The following GLIS3 variants were observed in gnomAD, a reference collection of about 807,000 sequenced individuals.
GLIS3 encodes the protein GLIS family zinc finger 3.
GLIS3 carries 53 observed loss-of-function variants against 78.6 expected under a neutral mutation model. That is an observed-to-expected ratio of 0.67 (90% CI 0.54 to 0.85). The LOEUF is 0.85. GLIS3 is among the 40% of genes least tolerant of loss of function. GLIS3 has a pLI of 0.00. For synonymous variants in GLIS3, 684 were observed against 509.9 expected, an observed-to-expected ratio of 1.34 and a Z score of -4.60; for missense variants, 1,703 against 1,231.1, an observed-to-expected ratio of 1.38 and a Z score of -5.74.
intron 2 of GLIS3, among the ~76,000 whole-genome samples, chr9:4,246,844 T>C (rs1823851104): frequency 6.6e-6 from 1 of 152,216 alleles, no homozygotes; most frequent in Admixed American, 6.5e-5. Context: ...TCATTGGTTT[T>C]TATGAATATT....
At chr9:4,064,610 T>C (rs1403634628) in intron 4 of GLIS3, among the ~76,000 whole-genome samples, 1 of 152,080 alleles carries the variant, frequency 6.6e-6, no homozygotes, top group Non-Finnish European at 1.5e-5. Context: ...GCCAACATGG[T>C]GAAACCTTGT....
intron 4 of GLIS3, among the ~76,000 whole-genome samples, chr9:4,037,953 A>AG (rs1156377908): frequency 1.8e-4 from 23 of 130,372 alleles, no homozygotes; most frequent in Admixed American, 1.7e-3. Flanking sequence ...AATCCAGGAA[A>AG]GGAAAAAAAA....
intron 8 of GLIS3, 143 bp from the exon 9 acceptor site, chr9:3,856,327 T>G: frequency 1.3e-6 from 1 of 745,956 alleles, no homozygotes; most frequent in Admixed American, 2.1e-5. Context: ...TCTTTCAGGA[T>G]TTTTCTCTAC....
At chr9:4,302,237 A>G (rs111961343), upstream of GLIS3, among the ~76,000 whole-genome samples, 660 of 152,294 alleles carry the variant, frequency 4.3e-3, 3 homozygotes, top group African/African-American at 0.015. Context: ...CATCGTGCTT[A>G]GGAATCATAC....
intron 4 of GLIS3, among the ~76,000 whole-genome samples, chr9:4,066,443 G>T (rs1827104051): frequency 6.6e-6 from 1 of 152,142 alleles, no homozygotes; most frequent in Non-Finnish European, 1.5e-5. Context: ...TGAAACAAGA[G>T]TATAAAAGCA....
chr9:3,896,090 C>G (rs1822810880), intron 7 of GLIS3, among the ~76,000 whole-genome samples: 1 of 152,158 alleles, frequency 6.6e-6, no homozygotes, highest in South Asian at 2.1e-4. Context: ...TTACATTTAA[C>G]TAATTGATGA....
chr9:4,471,835 G>T, the GLIS3 span, among the ~76,000 whole-genome samples: 1 of 152,094 alleles, frequency 6.6e-6, no homozygotes, highest in African/African-American at 2.4e-5. Context: ...CAGAGTGGGA[G>T]AAAATTTTTG....
rs143053278 is a variant in GLIS3 at position 3,860,848 on chromosome 9, C to A, written c.2298-4664G>T. Among the ~76,000 whole-genome samples, 11 of 152,262 alleles carry A rather than the reference C, an allele frequency of 7.2e-5. No individual in the cohort carries two copies. The East Asian group carries it at 1.9e-3, about 27-fold the overall frequency. ...ACTAAATGTGTGGCATTGTTCTAAG[C>A]ACTAGGGATAGAGCAACAAAAGACA... is the stretch of plus-strand genomic sequence containing the variant. On this transcript the variant is annotated intron_variant, in intron 8 of 10. Coordinates refer to ENST00000381971, the MANE Select transcript of GLIS3 (RefSeq NM_001042413.2).
rs1832527047 is a variant in GLIS3 at position 4,125,754 on chromosome 9, A to T, written c.576T>A (p.Asn192Lys). 2 of 1,613,828 alleles carry T rather than the reference A, an allele frequency of 1.2e-6. No individual in the cohort carries two copies. The highest frequency in any genetic ancestry group is 1.1e-5 in the South Asian group (1 of 91,066). The change falls in exon 3 of 11, where the codon AAT (asparagine) becomes AAA (lysine). Residue 192 changes from asparagine (N) to lysine (K), a missense_variant. Coordinates refer to ENST00000381971, the MANE Select transcript of GLIS3 (RefSeq NM_001042413.2). ...LQRAMNAANLNIPPSDTRSLI... is the reference protein window; with the variant it reads ...LQRAMNAANLKIPPSDTRSLI... ...GAGACCTGGTATCTGAAGGAGGTAT[A>T]TTCAGGTTGGCTGCATTCATTGCCC...
intron 9 of GLIS3, among the ~76,000 whole-genome samples, chr9:3,850,991 CAT>C (rs1309616082): frequency 2.6e-5 from 4 of 152,208 alleles, no homozygotes; most frequent in African/African-American, 4.8e-5. Context: ...TCTCTTATTG[CAT>C]ATGTCACAGT....
chr9:4,132,382 G>C (rs941561558), intron 2 of GLIS3, among the ~76,000 whole-genome samples: 3 of 152,144 alleles, frequency 2.0e-5, no homozygotes, highest in African/African-American at 7.2e-5. Context: ...GTCTTCATTA[G>C]TTAAAAGGGT....
intron 4 of GLIS3, among the ~76,000 whole-genome samples, chr9:4,101,428 G>T (rs570183335): frequency 3.9e-5 from 6 of 151,944 alleles, no homozygotes; most frequent in Admixed American, 3.3e-4. Context: ...GAGCATAGTG[G>T]GATATTTATT....
chr9:4,472,268 A>G, the GLIS3 span, among the ~76,000 whole-genome samples: 1 of 152,238 alleles, frequency 6.6e-6, no homozygotes, highest in Non-Finnish European at 1.5e-5. Flanking sequence ...TACATACCCA[A>G]AGGATTATAA....
chr9:4,128,776 C>A (rs1564091891), intron 2 of GLIS3, among the ~76,000 whole-genome samples: 1 of 152,208 alleles, frequency 6.6e-6, no homozygotes, highest in African/African-American at 2.4e-5. Context: ...TGGATTCATA[C>A]ATTCACATTG....
chr9:3,880,605 A>C (rs995676166), intron 7 of GLIS3, among the ~76,000 whole-genome samples: 2 of 152,228 alleles, frequency 1.3e-5, no homozygotes, highest in Non-Finnish European at 2.9e-5. Flanking sequence ...TAAAAAAATA[A>C]ATCAGGTTCA....
At chr9:3,963,174 T>G (rs1817693968) in intron 4 of GLIS3, among the ~76,000 whole-genome samples, 1 of 152,230 alleles carries the variant, frequency 6.6e-6, no homozygotes, top group Non-Finnish European at 1.5e-5. Context: ...GACTTATTTT[T>G]GTGTCTACGG....
intron 2 of GLIS3, among the ~76,000 whole-genome samples, chr9:4,183,775 T>A (rs1447390700): frequency 2.0e-5 from 3 of 152,248 alleles, no homozygotes; most frequent in Non-Finnish European, 4.4e-5. Context: ...TTCTATTTCT[T>A]ACTGCCTGGT....
chr9:4,044,948 C>G (rs1459977894), intron 4 of GLIS3, among the ~76,000 whole-genome samples: 1 of 152,100 alleles, frequency 6.6e-6, no homozygotes, highest in African/African-American at 2.4e-5. Context: ...AAAGCAAGGG[C>G]AGATGTAAAT....
chr9:4,381,779 T>G, the GLIS3 span, among the ~76,000 whole-genome samples: 1 of 152,252 alleles, frequency 6.6e-6, no homozygotes, highest in African/African-American at 2.4e-5. Flanking sequence ...ACTCCTTTAC[T>G]ACCTGGCTTT....
Sources: gnomAD v4.1 joint callset for allele counts (sites outside exome capture counted in the v4.1 genomes callset) on GRCh38, gnomAD v4.1.1 for gene constraint, MANE v1.5 for transcripts, NCBI Gene and HGNC (gene_info 2026-07-23, HGNC 2026-07-21) for gene names.